The following KCNMA1 variants were observed in gnomAD, a reference collection of about 807,000 sequenced individuals.
The protein encoded by KCNMA1 is Calcium-activated potassium channel subunit alpha-1.
In KCNMA1, 29 loss-of-function variants were observed where a neutral mutation model predicts 140.0. The observed-to-expected ratio is 0.21, with a 90% confidence interval of 0.15 to 0.28. KCNMA1 has a LOEUF of 0.28. Among genes scored for constraint, KCNMA1 ranks in the 10% least tolerant of loss-of-function variants. KCNMA1 has a pLI of 1.00. For synonymous variants in KCNMA1, 612 were observed against 611.9 expected (o/e 1.00, Z 0.00); for missense variants, 880 against 1,602.2 (o/e 0.55, Z 7.70).
intron 2 of KCNMA1, among the ~76,000 whole-genome samples, chr10:77,329,399 C>A (rs945830287): frequency 6.6e-6 from 1 of 152,196 alleles, no homozygotes; most frequent in African/African-American, 2.4e-5. Context: ...AGACTACTGT[C>A]TTTAAAAAAG....
chr10:76,967,377 G>C (rs1054920653), intron 20 of KCNMA1, among the ~76,000 whole-genome samples: 7 of 152,106 alleles, frequency 4.6e-5, no homozygotes, highest in African/African-American at 1.7e-4. Context: ...GAAGAGGCGG[G>C]GGCAACTGGA....
intron 1 of KCNMA1, among the ~76,000 whole-genome samples, chr10:77,616,890 A>G (rs944732290): frequency 2.0e-5 from 3 of 152,140 alleles, no homozygotes; most frequent in African/African-American, 7.2e-5. Flanking sequence ...CAAGTGAGTG[A>G]ACTGAGGCAT....
chr10:77,355,228 T>C, intron 2 of KCNMA1: 1 of 159,736 alleles, frequency 6.3e-6, no homozygotes, highest in Non-Finnish European at 1.3e-5. Context: ...CATGTGGAAC[T>C]GTAAGTCCAA....
rs550319985 is a variant in KCNMA1, at chr10:77,122,089, C to T, written c.809-1041G>A. 1.3e-4 allele frequency among the ~76,000 whole-genome samples: 20 copies of T among 152,344 alleles called. 1 individual carries two copies. The South Asian group carries it at 3.7e-3, about 28-fold the overall frequency. On this transcript the variant is annotated intron_variant, in intron 5 of 27. Transcript: ENST00000286628. ...CCGTGGGTGGGGCTTTGTTCTCCCA[C>T]GCCCGTGAGCCAGTAAAGGGCAGCC...
intron 5 of KCNMA1, among the ~76,000 whole-genome samples, chr10:77,174,772 T>G (rs1260820123): frequency 6.6e-6 from 1 of 152,206 alleles, no homozygotes; most frequent in Admixed American, 6.5e-5. Flanking sequence ...AATCAGAAAC[T>G]GCATTCTAAC....
intron 1 of KCNMA1, among the ~76,000 whole-genome samples, chr10:77,541,010 A>AG (rs1442091165): frequency 1.3e-5 from 2 of 151,964 alleles, no homozygotes; most frequent in Admixed American, 1.3e-4. Context: ...CTCTCAAAAA[A>AG]AAAAAGAGTA....
chr10:77,383,434 T>C (rs2095496395), intron 2 of KCNMA1, among the ~76,000 whole-genome samples: 1 of 151,912 alleles, frequency 6.6e-6, no homozygotes, highest in Non-Finnish European at 1.5e-5. Flanking sequence ...TTTTGCTTTC[T>C]TTTTAGTATG....
intron 2 of KCNMA1, among the ~76,000 whole-genome samples, chr10:77,265,299 G>A (rs1345399533): frequency 9.2e-5 from 14 of 152,102 alleles, no homozygotes; most frequent in East Asian, 1.9e-4. Flanking sequence ...TGATCCAACC[G>A]CCTTGGTCTC....
At chr10:76,915,624 TTTG>T (rs1025779259) in intron 23 of KCNMA1, among the ~76,000 whole-genome samples, 4 of 151,880 alleles carry the variant, frequency 2.6e-5, no homozygotes, top group East Asian at 1.9e-4. Context: ...TGTTTGTTTG[TTTG>T]TTGTTGTTGT....
intron 19 of KCNMA1, chr10:76,995,284 T>C (rs2083909754): frequency 9.2e-6 from 2 of 217,304 alleles, no homozygotes; most frequent in Admixed American, 1.1e-4. Context: ...GGCATTTACA[T>C]TGTGTTGTAA....
intron 5 of KCNMA1, among the ~76,000 whole-genome samples, chr10:77,139,227 G>GT (rs1257015379): frequency 6.6e-6 from 1 of 152,192 alleles, no homozygotes; most frequent in African/African-American, 2.4e-5. Flanking sequence ...AGGAAGTAGT[G>GT]TATGTGCCCT....
intron 1 of KCNMA1, among the ~76,000 whole-genome samples, chr10:77,568,305 C>G (rs1427114809): frequency 6.6e-6 from 1 of 152,216 alleles, no homozygotes; most frequent in East Asian, 1.9e-4. Flanking sequence ...AGACCAATAT[C>G]CTTGATGAAC....
In KCNMA1 at chr10:77,019,356, G is replaced by T. The variant is rs866419193; in HGVS notation, c.1929-257C>A. The T allele has an allele frequency of 3.6e-4, 177 of 494,590 alleles. 2 individuals are homozygous for T. The highest frequency in any genetic ancestry group is 3.4e-4 in the Admixed American group (10 of 29,792). 30.6% of individuals were successfully genotyped at this position (494,590 alleles called of 1,614,324 possible). A position where few individuals can be genotyped will look rare whatever the true frequency, so the allele number is the denominator to read the frequency against. On this transcript the variant is annotated intron_variant, in intron 16 of 27. Coordinates refer to ENST00000286628, the MANE Select transcript of KCNMA1 (RefSeq NM_001161352.2). ...AATCAAAGCAAATCAAGGTATTAGG[G>T]CCTGGGTTTATATAATGGAGCAGTC...
At chr10:76,883,721 G>GT (rs113872996), downstream of KCNMA1, among the ~76,000 whole-genome samples, 3,613 of 113,168 alleles carry the variant, frequency 0.032, 89 homozygotes, top group African/African-American at 0.041. Context: ...TTACTTCCTT[G>GT]TTTTTTTTTT....
intron 21 of KCNMA1, 42 bp downstream of exon 21, chr10:76,953,759 G>A (rs1591796106): frequency 1.9e-6 from 3 of 1,613,538 alleles, no homozygotes; most frequent in Non-Finnish European, 1.7e-6. Context: ...ATGTGGTTTG[G>A]GGCAGAAGCG....
chr10:77,447,429 T>C (rs2097549046), intron 1 of KCNMA1, among the ~76,000 whole-genome samples: 1 of 152,238 alleles, frequency 6.6e-6, no homozygotes, highest in Non-Finnish European at 1.5e-5. Context: ...TTATAGCCCA[T>C]GTTTCTGCCA....
chr10:77,562,496 GCAAA>G (rs1213721672), intron 1 of KCNMA1, among the ~76,000 whole-genome samples: 1 of 152,116 alleles, frequency 6.6e-6, no homozygotes, highest in Non-Finnish European at 1.5e-5. Flanking sequence ...AGGATCTCAA[GCAAA>G]CAAAGCTGTA....
At chr10:77,427,561 C>A (rs994348298) in intron 1 of KCNMA1, among the ~76,000 whole-genome samples, 9 of 152,068 alleles carry the variant, frequency 5.9e-5, no homozygotes, top group Non-Finnish European at 1.2e-4. Context: ...GCCTTCCCTC[C>A]CCTCTCTTTT....
At chr10:76,945,039 A>T in intron 22 of KCNMA1, 74 bp from the exon 23 acceptor site, 1 of 1,211,772 alleles carries the variant, frequency 8.3e-7, no homozygotes. Flanking sequence ...GAGGAGCAAA[A>T]GTGAGAGGAG....
Sources: allele counts gnomAD v4.1 joint callset (sites outside exome capture counted in the v4.1 genomes callset), GRCh38; gene constraint gnomAD v4.1.1; transcripts MANE v1.5; gene names NCBI Gene and HGNC (gene_info 2026-07-23, HGNC 2026-07-21).